The following PRKCE variants were observed in gnomAD, a reference collection of about 807,000 sequenced individuals.
PRKCE encodes protein kinase C epsilon type.
Under a neutral mutation model 85.4 loss-of-function variants are expected in PRKCE, and 16 were observed. The ratio of observed to expected loss-of-function variants is 0.19; its 90% confidence interval spans 0.13 to 0.28. The LOEUF is 0.28. Ranked by LOEUF, PRKCE falls within the 10% of genes least tolerant of loss-of-function variation. PRKCE has a pLI of 1.00. For missense variants in PRKCE, 573 were observed against 975.2 expected (o/e 0.59, Z 5.49); for synonymous variants, 388 against 371.5 (o/e 1.04, Z -0.51).
At chr2:46,044,564 T>C (rs548278690) in intron 10 of PRKCE, among the ~76,000 whole-genome samples, 9 of 152,324 alleles carry the variant, frequency 5.9e-5, no homozygotes, top group African/African-American at 1.9e-4. Context: ...GCTCTTGAGT[T>C]GAGAGAGTTG....
intron 2 of PRKCE, among the ~76,000 whole-genome samples, chr2:45,875,418 C>T (rs2105778919): frequency 6.6e-6 from 1 of 152,344 alleles, no homozygotes; most frequent in Middle Eastern, 3.4e-3. Flanking sequence ...GTTCTGGTGT[C>T]ACATGCTAAG....
At chr2:45,744,179 A>T (rs989326898) in intron 1 of PRKCE, among the ~76,000 whole-genome samples, 2 of 152,300 alleles carry the variant, frequency 1.3e-5, no homozygotes, top group Admixed American at 6.5e-5. Flanking sequence ...GTTTGTCATG[A>T]GACATAATAG....
At chr2:45,978,377 G>A (rs1478470384) in intron 3 of PRKCE, 1 of 152,560 alleles carries the variant, frequency 6.6e-6, no homozygotes, top group Non-Finnish European at 1.5e-5. Flanking sequence ...GGGTTTGTGT[G>A]ATAGTTCTGT....
intron 3 of PRKCE, among the ~76,000 whole-genome samples, chr2:45,977,899 C>T (rs780616746): frequency 2.1e-4 from 32 of 152,180 alleles, no homozygotes; most frequent in Non-Finnish European, 3.7e-4. Flanking sequence ...TTCATGAACC[C>T]TTGGATCCAA....
intron 11 of PRKCE, among the ~76,000 whole-genome samples, chr2:46,094,504 A>T (rs1670487744): frequency 6.6e-6 from 1 of 152,192 alleles, no homozygotes; most frequent in African/African-American, 2.4e-5. Flanking sequence ...GGAAGCCGTT[A>T]TCCTCAGCAA....
intron 14 of PRKCE, among the ~76,000 whole-genome samples, chr2:46,167,594 G>A (rs928991089): frequency 3.9e-5 from 6 of 152,150 alleles, no homozygotes; most frequent in Admixed American, 6.5e-5. Flanking sequence ...CTGCAGGGGC[G>A]TCATTCCAGC....
At chr2:45,659,172 C>T (rs1453608050) in intron 1 of PRKCE, among the ~76,000 whole-genome samples, 4 of 152,190 alleles carry the variant, frequency 2.6e-5, no homozygotes, top group Admixed American at 2.6e-4. Context: ...TCTTAAACTC[C>T]ATATGCCTAA....
At chr2:45,708,267 A>C (rs1411119649) in intron 1 of PRKCE, among the ~76,000 whole-genome samples, 1 of 152,214 alleles carries the variant, frequency 6.6e-6, no homozygotes, top group African/African-American at 2.4e-5. Context: ...GAGATGGCTT[A>C]TGTGTCCACC....
At chr2:45,990,279 A>G (rs951636093) in intron 6 of PRKCE, among the ~76,000 whole-genome samples, 18 of 152,370 alleles carry the variant, frequency 1.2e-4, no homozygotes, top group African/African-American at 4.3e-4. Context: ...CTCTCCACAC[A>G]GTGACTGGCT....
chr2:45,737,694 CTCTCTGCATG>C (rs1558614993), intron 1 of PRKCE, among the ~76,000 whole-genome samples: 1 of 152,082 alleles, frequency 6.6e-6, no homozygotes, highest in Non-Finnish European at 1.5e-5. Context: ...CAATCACATG[CTCTCTGCATG>C]TCCCCTTGCC....
chr2:45,790,868 A>G (rs754456401), intron 1 of PRKCE, among the ~76,000 whole-genome samples: 1 of 152,226 alleles, frequency 6.6e-6, no homozygotes, highest in Non-Finnish European at 1.5e-5. Context: ...GGTCCTGATG[A>G]TGGTGCTGGT....
chr2:45,718,993 T>C (rs1680383124), intron 1 of PRKCE, among the ~76,000 whole-genome samples: 1 of 152,266 alleles, frequency 6.6e-6, no homozygotes, highest in African/African-American at 2.4e-5. Flanking sequence ...AAAAGTCACC[T>C]AAAGAATTGA....
chr2:45,681,512 C>A (rs1418966572), intron 1 of PRKCE, among the ~76,000 whole-genome samples: 1 of 152,080 alleles, frequency 6.6e-6, no homozygotes, highest in Non-Finnish European at 1.5e-5. Context: ...GTTTATGATG[C>A]ACCTAAGTAC....
At chr2:45,673,314 T>G (rs1676265343) in intron 1 of PRKCE, among the ~76,000 whole-genome samples, 2 of 152,224 alleles carry the variant, frequency 1.3e-5, no homozygotes, top group African/African-American at 4.8e-5. Flanking sequence ...AATGCCATAA[T>G]CAAGTGAATT....
chr2:45,931,093 T>C (rs1699011543), intron 2 of PRKCE, among the ~76,000 whole-genome samples: 1 of 152,240 alleles, frequency 6.6e-6, no homozygotes, highest in South Asian at 2.1e-4. Flanking sequence ...ATTACATGAC[T>C]TGCCCAGGAT....
At position 45,895,419 on chromosome 2, in the gene PRKCE, C is replaced by T. The variant is rs936861422; in HGVS notation, c.412+52356C>T. Among the ~76,000 whole-genome samples, 4 of 152,136 alleles carry T rather than the reference C, an allele frequency of 2.6e-5. No individual in the cohort carries two copies. The highest frequency in any genetic ancestry group is 4.1e-4 in the South Asian group (2 of 4,820). Reference sequence around the variant, plus strand: ...ATGAGGGGAGGCCTAACTGCCTCTCCGCACCCTGATGTCATCTGGCTGGTC... The same window carrying T: ...ATGAGGGGAGGCCTAACTGCCTCTCTGCACCCTGATGTCATCTGGCTGGTC... On this transcript the variant is annotated intron_variant, in intron 2 of 14. Coordinates refer to ENST00000306156, the MANE Select transcript of PRKCE (RefSeq NM_005400.3). The surrounding 1 kb of genome is among the most constrained non-coding windows in gnomAD (Gnocchi z 4.8).
At chr2:45,867,327 C>G (rs147140197) in intron 2 of PRKCE, among the ~76,000 whole-genome samples, 118 of 152,288 alleles carry the variant, frequency 7.7e-4, no homozygotes, top group African/African-American at 2.7e-3. Context: ...CAATTAAATT[C>G]GAACTTGAGA....
chr2:45,854,013 G>C (rs1251465418), intron 2 of PRKCE, among the ~76,000 whole-genome samples: 1 of 152,090 alleles, frequency 6.6e-6, no homozygotes, highest in Non-Finnish European at 1.5e-5. Context: ...CATGACACTG[G>C]ATTTGCCCCC....
At chr2:46,048,951 A>G (rs1190896386) in intron 10 of PRKCE, among the ~76,000 whole-genome samples, 1 of 152,118 alleles carries the variant, frequency 6.6e-6, no homozygotes, top group African/African-American at 2.4e-5. Context: ...CCTGGAGTGT[A>G]GAGACTCGCC....
Sources: allele counts gnomAD v4.1 joint callset (sites outside exome capture counted in the v4.1 genomes callset), GRCh38; gene constraint gnomAD v4.1.1; non-coding constraint Gnocchi (gnomAD v3.1); transcripts MANE v1.5; gene names NCBI Gene and HGNC (gene_info 2026-07-23, HGNC 2026-07-21).